CA10: variants seen among roughly 807,000 people sequenced by gnomAD.
The protein encoded by CA10 is carbonic anhydrase 10 (inactive), also known as carbonic anhydrase-related protein 10.
CA10 carries 14 observed loss-of-function variants against 44.2 expected under a neutral mutation model. That is an observed-to-expected ratio of 0.32 (90% confidence interval 0.21 to 0.50). CA10 has a LOEUF of 0.50. Ranked by LOEUF, CA10 falls within the 20% of genes least tolerant of loss-of-function variation. CA10 has a pLI of 0.99. For synonymous variants in CA10, 159 were observed against 141.6 expected (o/e 1.12, Z -0.87); for missense variants, 350 against 409.7 (o/e 0.85, Z 1.26).
chr17:51,893,178 G>A (rs573993205), intron 3 of CA10, among the ~76,000 whole-genome samples: 2 of 152,074 alleles, frequency 1.3e-5, no homozygotes, highest in African/African-American at 2.4e-5. Context: ...ATATCCTAAC[G>A]AAAAAATAAA....
intron 3 of CA10, among the ~76,000 whole-genome samples, chr17:51,784,287 G>T (rs1356305092): frequency 6.6e-6 from 1 of 152,130 alleles, no homozygotes; most frequent in Non-Finnish European, 1.5e-5. Context: ...CCATCCAGCT[G>T]CTGCCCAGAG....
intron 3 of CA10, among the ~76,000 whole-genome samples, chr17:51,893,450 T>C (rs549557233): frequency 5.3e-5 from 8 of 152,266 alleles, no homozygotes; most frequent in Non-Finnish European, 1.2e-4. Context: ...CTCTTTGACT[T>C]AAATACAGTG....
At chr17:51,651,980 C>T (rs1860616539) in intron 5 of CA10, among the ~76,000 whole-genome samples, 1 of 152,176 alleles carries the variant, frequency 6.6e-6, no homozygotes, top group African/African-American at 2.4e-5. Context: ...TTAAGAGATA[C>T]AGGAATTTGC....
intron 3 of CA10, among the ~76,000 whole-genome samples, chr17:51,904,554 G>T (rs1981459604): frequency 6.6e-6 from 1 of 151,936 alleles, no homozygotes; most frequent in Non-Finnish European, 1.5e-5. Flanking sequence ...TTTCACCAGA[G>T]TATAGAAAAA....
chr17:51,955,054 G>A (rs1983615352), intron 2 of CA10, among the ~76,000 whole-genome samples: 1 of 152,096 alleles, frequency 6.6e-6, no homozygotes, highest in South Asian at 2.1e-4. Flanking sequence ...TTTAAAAATA[G>A]CCCGGCTCTT....
At chr17:51,826,575 C>T (rs1010171820) in intron 3 of CA10, among the ~76,000 whole-genome samples, 1 of 152,056 alleles carries the variant, frequency 6.6e-6, no homozygotes, top group Admixed American at 6.6e-5. Context: ...TCCTTCAGAG[C>T]CCTGCTTGTG....
intron 2 of CA10, among the ~76,000 whole-genome samples, chr17:51,963,490 A>G (rs1325190598): frequency 6.6e-6 from 1 of 152,194 alleles, no homozygotes; most frequent in East Asian, 1.9e-4. Flanking sequence ...ATCAACACTA[A>G]GAAAAAAATC....
intron 3 of CA10, among the ~76,000 whole-genome samples, chr17:51,789,370 T>C (rs1398623156): frequency 6.6e-6 from 1 of 152,234 alleles, no homozygotes; most frequent in Admixed American, 6.5e-5. Flanking sequence ...TTTGATGCTA[T>C]ATTTATTTGT....
intron 2 of CA10, among the ~76,000 whole-genome samples, chr17:52,006,470 A>G (rs542364636): frequency 6.6e-6 from 1 of 151,966 alleles, no homozygotes; most frequent in East Asian, 1.9e-4. Flanking sequence ...TCTTTGTGAG[A>G]AAAAGGCAAA....
At chr17:51,662,464 A>G (rs183371071) in intron 4 of CA10, among the ~76,000 whole-genome samples, 2 of 152,366 alleles carry the variant, frequency 1.3e-5, no homozygotes, top group African/African-American at 4.8e-5. Flanking sequence ...TCACATTAGC[A>G]TATGCAAATA....
intron 3 of CA10, among the ~76,000 whole-genome samples, chr17:51,756,040 T>G (rs1287320770): frequency 1.3e-5 from 2 of 151,820 alleles, no homozygotes; most frequent in African/African-American, 4.9e-5. Flanking sequence ...CCTTTGAGAT[T>G]TGGGATACAG....
chr17:52,064,745 C>T (rs1197563416), intron 2 of CA10, among the ~76,000 whole-genome samples: 1 of 152,082 alleles, frequency 6.6e-6, no homozygotes, highest in African/African-American at 2.4e-5. Flanking sequence ...ACCATTTGTA[C>T]CCAATTTTAA....
At chr17:52,110,290 A>G (rs1988761967) in intron 1 of CA10, among the ~76,000 whole-genome samples, 1 of 152,172 alleles carries the variant, frequency 6.6e-6, no homozygotes, top group Non-Finnish European at 1.5e-5. Context: ...AGGTATGATC[A>G]CGTGCCTTAC....
chr17:51,856,869 G>T (rs1378372322), intron 3 of CA10, among the ~76,000 whole-genome samples: 1 of 152,224 alleles, frequency 6.6e-6, no homozygotes, highest in African/African-American at 2.4e-5. Context: ...TACATGTAGA[G>T]AAAGAAGGAA....
chr17:51,856,165 A>G (rs1320342039), intron 3 of CA10, among the ~76,000 whole-genome samples: 2 of 152,092 alleles, frequency 1.3e-5, no homozygotes, highest in East Asian at 1.9e-4. Context: ...AGTGCTTTCT[A>G]TTTGCAGAAG....
chr17:51,893,564 C>A (rs1980950239), intron 3 of CA10, among the ~76,000 whole-genome samples: 3 of 152,156 alleles, frequency 2.0e-5, no homozygotes, highest in South Asian at 2.1e-4. Flanking sequence ...GAAATGAATT[C>A]TCTGACCTTC....
At chr17:51,823,981 C>T (rs9895888) in intron 3 of CA10, among the ~76,000 whole-genome samples, 9,100 of 152,190 alleles carry the variant, frequency 0.06, 756 homozygotes, top group African/African-American at 0.19. Flanking sequence ...TATTTTTCTT[C>T]TAAGCATTTA....
chr17:52,101,594 C>T (rs981616684), intron 1 of CA10, among the ~76,000 whole-genome samples: 10 of 152,174 alleles, frequency 6.6e-5, no homozygotes, highest in Admixed American at 2.6e-4. Flanking sequence ...ATCCACATGT[C>T]TTGAAGACCA....
chr17:52,044,095 T>C (rs1172443096), intron 2 of CA10, among the ~76,000 whole-genome samples: 1 of 152,136 alleles, frequency 6.6e-6, no homozygotes, highest in Non-Finnish European at 1.5e-5. Flanking sequence ...AATTCTGTCC[T>C]CTTCAACTTT....
Sources: gnomAD v4.1 joint callset for allele counts (sites outside exome capture counted in the v4.1 genomes callset) on GRCh38, gnomAD v4.1.1 for gene constraint, MANE v1.5 for transcripts, NCBI Gene and HGNC (gene_info 2026-07-23, HGNC 2026-07-21) for gene names.